Variants in SRF observed in about 807,000 individuals in gnomAD.
SRF encodes c-fos serum response element-binding transcription factor.
SRF carries 7 observed loss-of-function variants against 37.1 expected under a neutral mutation model. The ratio of observed to expected loss-of-function variants is 0.19; its 90% CI spans 0.11 to 0.35. SRF has a LOEUF of 0.35. SRF is among the 10% of genes least tolerant of loss of function. The probability of loss-of-function intolerance (pLI) is 1.00; values close to 1 mark genes in which losing one functional copy is unlikely to be tolerated. For synonymous variants in SRF, 285 were observed against 310.1 expected, an observed-to-expected ratio of 0.92 and a Z score of 0.85; for missense variants, 395 against 694.4, an observed-to-expected ratio of 0.57 and a Z score of 4.85.
rs1582259753 is a variant in SRF, at chr6:43,180,691, C to T, written c.*1501C>T. On this transcript the variant is annotated 3_prime_UTR_variant, in exon 7 of 7. Coordinates refer to ENST00000265354, the MANE Select transcript of SRF (RefSeq NM_003131.4). ...GTCTTTTACCCTGTGTCAGAGCCTA[C>T]CTTCACCACCTATATCCAGAAGGGG... 2 of 152,590 alleles carry T rather than the reference C, an allele frequency of 1.3e-5. No individual in the cohort carries two copies. The highest frequency in any genetic ancestry group is 2.4e-5 in the African/African-American group (1 of 41,428). 9.5% of individuals were successfully genotyped at this position (152,590 alleles called of 1,614,324 possible). A position where few individuals can be genotyped will look rare whatever the true frequency, so the allele number is the denominator to read the frequency against.
chr6:43,176,005 G>C lies in SRF; in HGVS notation c.1042+38G>C, dbSNP rs1433739453. The C allele has an allele frequency of 3.1e-6, 5 of 1,598,102 alleles. No homozygotes were observed. Among genetic ancestry groups the C allele is most frequent in the Non-Finnish European group, 4.3e-6 (5 of 1,173,552 alleles). Reference sequence around the variant, plus strand: ...GGGCAGGGAGAGATTCGTCCTTCCTGGGGCAAATCAAGCATGCTAAGAGTG... The same window carrying C: ...GGGCAGGGAGAGATTCGTCCTTCCTCGGGCAAATCAAGCATGCTAAGAGTG... On this transcript the variant is annotated intron_variant, in intron 3 of 6. Coordinates refer to ENST00000265354, the MANE Select transcript of SRF (RefSeq NM_003131.4). This position sits in a 1 kb window ranked among gnomAD's most constrained non-coding sequence, Gnocchi z 4.0.
At chr6:43,175,591 G>T in intron 2 of SRF, 115 bp from the exon 3 acceptor site, 1 of 1,370,468 alleles carries the variant, frequency 7.3e-7, no homozygotes, top group South Asian at 1.3e-5. Flanking sequence ...AAATGGTGGC[G>T]TTGGGATTTG....
chr6:43,175,556 CTT>C (rs1772180752), intron 2 of SRF, 148 bp from the exon 3 acceptor site: 6 of 994,982 alleles, frequency 6.0e-6, no homozygotes, highest in Non-Finnish European at 9.1e-6. Context: ...AGATCAATAA[CTT>C]ACCTAAGAGT....
chr6:43,178,784 C>T lies in SRF; in HGVS notation c.1355-22C>T. On this transcript the variant is annotated intron_variant, in intron 5 of 6. Transcript: ENST00000265354. The surrounding 1 kb of genome is among the most constrained non-coding windows in gnomAD (Gnocchi z 4.3). The stretch of plus-strand genomic sequence containing the variant: ...AAGTTTCAACAAACAATTTGAGTAT[C>T]TCCTGTGGTTTTCCAATGTAGGTGG... 6.2e-7 allele frequency: 1 copy of T among 1,612,694 alleles called. No individual in the cohort carries two copies. Among genetic ancestry groups the T allele is most frequent in the Non-Finnish European group, 8.5e-7 (1 of 1,178,640 alleles).
In SRF at chr6:43,176,082, A is replaced by G. The variant is rs1772192551; in HGVS notation, c.1042+115A>G. On this transcript the variant is annotated intron_variant, in intron 3 of 6. Coordinates refer to ENST00000265354, the MANE Select transcript of SRF (RefSeq NM_003131.4). The surrounding 1 kb of genome is among the most constrained non-coding windows in gnomAD (Gnocchi z 4.0). Reference sequence around the variant, plus strand: ...TCTTTCCCTGCTCAGAAGGAAGGTGAATAGGGGCCAGAGCCTGAGCGAAGC... The same window carrying G: ...TCTTTCCCTGCTCAGAAGGAAGGTGGATAGGGGCCAGAGCCTGAGCGAAGC... 1.4e-6 allele frequency: 2 copies of G among 1,417,884 alleles called. No homozygotes were observed. The allele number at this position is 1,417,884 out of a possible 1,614,324, so 87.8% of individuals were successfully genotyped here.
chr6:43,172,385 T>C lies in SRF; in HGVS notation c.513+216T>C. 1.0e-6 allele frequency: 1 copy of C among 983,520 alleles called. No homozygotes were observed. Among genetic ancestry groups the C allele is most frequent in the Non-Finnish European group, 1.2e-6 (1 of 829,418 alleles). 60.9% of individuals were successfully genotyped at this position (983,520 alleles called of 1,614,324 possible). Reference sequence around the variant, plus strand: ...GAGATCCCGCGAACGCTCGCAACCGTGGGGAAAGGCGCAGAGGTGGGAGTG... The same window carrying C: ...GAGATCCCGCGAACGCTCGCAACCGCGGGGAAAGGCGCAGAGGTGGGAGTG... On this transcript the variant is annotated intron_variant, in intron 1 of 6. Transcript: ENST00000265354. The surrounding 1 kb of genome is among the most constrained non-coding windows in gnomAD (Gnocchi z 5.7).
rs1307047102 is a variant in SRF at position 43,178,550 on chromosome 6, CACAT to C, written c.1354+69_1354+72del. The C allele has an allele frequency of 5.4e-6, 8 of 1,484,996 alleles. No homozygotes were observed. Among genetic ancestry groups the C allele is most frequent in the Non-Finnish European group, 7.4e-6 (8 of 1,079,276 alleles). The allele number at this position is 1,484,996 out of a possible 1,614,324, so 92.0% of individuals were successfully genotyped here. A position where few individuals can be genotyped will look rare whatever the true frequency, so the allele number is the denominator to read the frequency against. On this transcript the variant is annotated intron_variant, in intron 5 of 6. Coordinates refer to ENST00000265354, the MANE Select transcript of SRF (RefSeq NM_003131.4). The surrounding 1 kb of genome is among the most constrained non-coding windows in gnomAD (Gnocchi z 4.3). ...CCTTCTTTATACACACACACACACA[CACAT>C]ACACACACATATGCACTGATGCCTA...
chr6:43,176,116 T>C lies in SRF; in HGVS notation c.1042+149T>C. 1 of 1,165,164 alleles carries C rather than the reference T, an allele frequency of 8.6e-7. No homozygotes were observed. The highest frequency in any genetic ancestry group is 1.2e-6 in the Non-Finnish European group (1 of 845,232). 72.2% of individuals were successfully genotyped at this position (1,165,164 alleles called of 1,614,324 possible). On this transcript the variant is annotated intron_variant, in intron 3 of 6. Transcript: ENST00000265354. The surrounding 1 kb of genome is among the most constrained non-coding windows in gnomAD (Gnocchi z 4.0). ...CAGAGCCTGAGCGAAGCCTCTTATA[T>C]CCCGTTGGCAGGCATACCTCTGCCC... is the stretch of plus-strand genomic sequence containing the variant.
In SRF at chr6:43,174,023, C is replaced by A; in HGVS notation, c.690C>A (p.Pro230=). ...CAGACTCTCCACCCCGTTCAGACCC[C>A]ACAACAGACCAGAGAATGAGTGCCA... is the stretch of plus-strand genomic sequence containing the variant. ...NSPDSPPRSD[P]TTDQRMSATG... is the part of the protein sequence containing the mutation. The change falls in exon 2 of 7, where the codon CCC becomes CCA. Residue 230 remains proline (P), a synonymous_variant. Coordinates refer to ENST00000265354, the MANE Select transcript of SRF (RefSeq NM_003131.4). 1 of 1,614,164 alleles carries A rather than the reference C, an allele frequency of 6.2e-7. No individual in the cohort carries two copies. Among genetic ancestry groups the A allele is most frequent in the Admixed American group, 1.7e-5 (1 of 60,026 alleles).
intron 4 of SRF, among the ~76,000 whole-genome samples, chr6:43,177,732 G>A (rs576331257): frequency 1.3e-5 from 2 of 151,288 alleles, no homozygotes; most frequent in African/African-American, 4.9e-5. Flanking sequence ...TGGCTAACAC[G>A]GTGAAACTCC....
intron 2 of SRF, among the ~76,000 whole-genome samples, chr6:43,174,401 C>T (rs1472600602): frequency 4.6e-5 from 7 of 152,220 alleles, no homozygotes; most frequent in Non-Finnish European, 1.0e-4. Context: ...GCTGTCTCCC[C>T]GCTAGGGGCG....
At position 43,178,928 on chromosome 6, in the gene SRF, G is replaced by A; in HGVS notation, c.1431+46G>A. On this transcript the variant is annotated intron_variant, in intron 6 of 6. Coordinates refer to ENST00000265354, the MANE Select transcript of SRF (RefSeq NM_003131.4). The surrounding 1 kb of genome is among the most constrained non-coding windows in gnomAD (Gnocchi z 4.3). ...CCCCATCCCAGATAGCCACTTCTTT[G>A]TCTTGACCTTAGGGGATCCTGTTAC... The A allele has an allele frequency of 6.2e-7, 1 of 1,603,240 alleles. No homozygotes were observed.
At position 43,172,557 on chromosome 6, in the gene SRF, A is replaced by T; in HGVS notation, c.513+388A>T. ...CCGGTGTTCGGACGAGGGCGCCGGA[A>T]AAGCAGGGAGCAAACGAGAAGGTAT... On this transcript the variant is annotated intron_variant, in intron 1 of 6. Transcript: ENST00000265354. The surrounding 1 kb of genome is among the most constrained non-coding windows in gnomAD (Gnocchi z 5.7). 5.4e-6 allele frequency: 4 copies of T among 735,082 alleles called. No individual in the cohort carries two copies. The highest frequency in any genetic ancestry group is 6.7e-6 in the Non-Finnish European group (4 of 601,448). 45.5% of individuals were successfully genotyped at this position (735,082 alleles called of 1,614,324 possible). A position where few individuals can be genotyped will look rare whatever the true frequency, so the allele number is the denominator to read the frequency against.
At position 43,172,961 on chromosome 6, in the gene SRF, A is replaced by G. The variant is rs1240433419; in HGVS notation, c.513+792A>G. On this transcript the variant is annotated intron_variant, in intron 1 of 6. Coordinates refer to ENST00000265354, the MANE Select transcript of SRF (RefSeq NM_003131.4). The surrounding 1 kb of genome is among the most constrained non-coding windows in gnomAD (Gnocchi z 5.7). The stretch of plus-strand genomic sequence containing the variant: ...GTGAAAAGTGTTGAGGAAAGGAGTC[A>G]TTTTGGGGTGTAGACGATAAGGGAA... Among the ~76,000 whole-genome samples, 1 of 152,186 alleles carries G rather than the reference A, an allele frequency of 6.6e-6. No individual in the cohort carries two copies. Among genetic ancestry groups the G allele is most frequent in the Non-Finnish European group, 1.5e-5 (1 of 68,026 alleles).
chr6:43,177,779 A>G (rs112542835), intron 4 of SRF, among the ~76,000 whole-genome samples: 19,874 of 151,194 alleles, frequency 0.13, 2,103 homozygotes, highest in East Asian at 0.36. Context: ...GCCGGGCTTG[A>G]TGGCAGGCAT....
At position 43,171,506 on chromosome 6, in the gene SRF, C is replaced by G; in HGVS notation, c.-151C>G. ...GAGGGCCCAGGTCGGCCCGGGCGTG[C>G]AGGGGCCCCGGGTTCGCAGCGGCGG... On this transcript the variant is annotated 5_prime_UTR_variant, in exon 1 of 7. Transcript: ENST00000265354. This position sits in a 1 kb window ranked among gnomAD's most constrained non-coding sequence, Gnocchi z 6.5. 1 of 880,048 alleles carries G rather than the reference C, an allele frequency of 1.1e-6. No homozygotes were observed. Among genetic ancestry groups the G allele is most frequent in the Non-Finnish European group, 1.5e-6 (1 of 683,824 alleles). The allele number at this position is 880,048 out of a possible 1,614,324, so 54.5% of individuals were successfully genotyped here.
chr6:43,175,651 C>T, intron 2 of SRF, 55 bp from the exon 3 acceptor site: 1 of 1,602,388 alleles, frequency 6.2e-7, no homozygotes, highest in Non-Finnish European at 8.5e-7. Flanking sequence ...CACAAAGCTT[C>T]TGCAAAGGCA....
chr6:43,177,975 C>A (rs938074140), intron 4 of SRF, among the ~76,000 whole-genome samples: 35 of 151,606 alleles, frequency 2.3e-4, no homozygotes, highest in African/African-American at 7.7e-4. Context: ...GTTAGAGCTC[C>A]TAAAAGGGGA....
At position 43,178,363 on chromosome 6, in the gene SRF, G is replaced by A; in HGVS notation, c.1232G>A (p.Ser411Asn). The A allele has an allele frequency of 6.2e-7, 1 of 1,614,002 alleles. No individual in the cohort carries two copies. Among genetic ancestry groups the A allele is most frequent in the East Asian group, 2.2e-5 (1 of 44,870 alleles). ...GTGGGTGGCCACATGATGTACCCTA[G>A]CCCGCATGCGGTGATGTATGCCCCC... ...TTVGGHMMYP[S>N]PHAVMYAPTS... The change falls in exon 5 of 7, where the codon AGC (serine) becomes AAC (asparagine). Residue 411 changes from serine (S) to asparagine (N), a missense_variant. Ser to Asn is a conservative substitution (Grantham distance 46). Around this residue, in one of 4 missense-constraint regions of SRF, gnomAD observed 232 missense variants for 335.6 expected, o/e 0.69. Transcript: ENST00000265354. The surrounding 1 kb of genome is among the most constrained non-coding windows in gnomAD (Gnocchi z 4.3).
Sources: allele counts gnomAD v4.1 joint callset (sites outside exome capture counted in the v4.1 genomes callset), GRCh38; gene constraint gnomAD v4.1.1; regional missense constraint gnomAD v4.1.1; non-coding constraint Gnocchi (gnomAD v3.1); transcripts MANE v1.5; gene names NCBI Gene and HGNC (gene_info 2026-07-23, HGNC 2026-07-21).